XKR4: variants seen among roughly 807,000 people sequenced by gnomAD.
XKR4 encodes XK related 4.
A neutral mutation model predicts 53.9 loss-of-function variants in XKR4; 12 were observed. The observed-to-expected ratio is 0.22, with a 90% CI of 0.14 to 0.36. XKR4 has a LOEUF of 0.36. Among genes scored for constraint, XKR4 ranks in the 10% least tolerant of loss-of-function variants. The probability of loss-of-function intolerance (pLI) is 1.00; values close to 1 mark genes in which losing one functional copy is unlikely to be tolerated. For missense variants in XKR4, 799 were observed against 859.5 expected (o/e 0.93, Z 0.88); for synonymous variants, 354 against 362.4 (o/e 0.98, Z 0.26).
intron 1 of XKR4, among the ~76,000 whole-genome samples, chr8:55,111,913 G>T (rs1176510141): frequency 6.6e-6 from 1 of 152,086 alleles, no homozygotes; most frequent in Non-Finnish European, 1.5e-5. Flanking sequence ...ATTTAAAATT[G>T]GATTTAAAAC....
intron 1 of XKR4, among the ~76,000 whole-genome samples, chr8:55,273,723 C>A (rs952064125): frequency 6.6e-6 from 1 of 152,232 alleles, no homozygotes; most frequent in Non-Finnish European, 1.5e-5. Context: ...ACTCCTGGCT[C>A]ACTGGCCTCC....
intron 1 of XKR4, among the ~76,000 whole-genome samples, chr8:55,336,265 G>A (rs893609712): frequency 1.1e-4 from 17 of 152,058 alleles, no homozygotes; most frequent in South Asian, 4.2e-4. Flanking sequence ...GGTTTATCAC[G>A]GGTTTCCACT....
chr8:55,104,092 G>A (rs1034502645), intron 1 of XKR4, among the ~76,000 whole-genome samples: 5 of 152,024 alleles, frequency 3.3e-5, no homozygotes, highest in African/African-American at 9.6e-5. Flanking sequence ...GATCTACCAA[G>A]TCTTTTTACA....
At chr8:55,475,436 G>A (rs1000597679) in intron 2 of XKR4, among the ~76,000 whole-genome samples, 4 of 151,846 alleles carry the variant, frequency 2.6e-5, no homozygotes. Flanking sequence ...TGGGGTGATG[G>A]GGGAAGGTCT....
intron 1 of XKR4, among the ~76,000 whole-genome samples, chr8:55,204,651 G>C (rs1817619070): frequency 6.6e-6 from 1 of 152,180 alleles, no homozygotes. Context: ...ATGTAAATCT[G>C]AGGATACAGA....
chr8:55,155,385 A>C (rs1029050560), intron 1 of XKR4, among the ~76,000 whole-genome samples: 9 of 152,224 alleles, frequency 5.9e-5, no homozygotes, highest in Non-Finnish European at 1.3e-4. Context: ...AACAAATTAA[A>C]AAATGAAAGA....
intron 1 of XKR4, among the ~76,000 whole-genome samples, chr8:55,305,251 G>C (rs1219595175): frequency 1.3e-5 from 2 of 152,090 alleles, no homozygotes; most frequent in East Asian, 3.9e-4. Flanking sequence ...CTACTATATT[G>C]GGCAGGTCCA....
chr8:55,350,412 T>C (rs919830272), intron 1 of XKR4, among the ~76,000 whole-genome samples: 3 of 152,196 alleles, frequency 2.0e-5, no homozygotes, highest in Non-Finnish European at 4.4e-5. Flanking sequence ...GGAGTTGCTA[T>C]GTTGTATGGA....
chr8:55,209,432 T>A (rs1039662691), intron 1 of XKR4, among the ~76,000 whole-genome samples: 3 of 152,192 alleles, frequency 2.0e-5, no homozygotes, highest in Admixed American at 6.5e-5. Context: ...ACAGACAGTC[T>A]GACTCCAGAG....
At chr8:55,408,962 G>C (rs1254711946) in intron 2 of XKR4, among the ~76,000 whole-genome samples, 2 of 149,518 alleles carry the variant, frequency 1.3e-5, no homozygotes, top group Non-Finnish European at 3.0e-5. Context: ...AGCCGAGATC[G>C]TGCCACTGCA....
At chr8:55,270,545 G>A (rs549467088) in intron 1 of XKR4, among the ~76,000 whole-genome samples, 2 of 152,282 alleles carry the variant, frequency 1.3e-5, no homozygotes, top group African/African-American at 4.8e-5. Flanking sequence ...GGCACCATGT[G>A]TTAACAGACT....
chr8:55,194,977 G>A (rs1272859977), intron 1 of XKR4, among the ~76,000 whole-genome samples: 1 of 152,124 alleles, frequency 6.6e-6, no homozygotes, highest in Non-Finnish European at 1.5e-5. Flanking sequence ...GACTGGGAAC[G>A]TATAATTTGG....
chr8:55,487,525 G>A (rs11995142), intron 2 of XKR4, among the ~76,000 whole-genome samples: 49,388 of 150,852 alleles, frequency 0.33, 9,906 homozygotes, highest in African/African-American at 0.58. Flanking sequence ...GGAGCACAGC[G>A]GAACAATCCT....
At chr8:55,259,223 C>G (rs372602307) in intron 1 of XKR4, among the ~76,000 whole-genome samples, 14 of 152,318 alleles carry the variant, frequency 9.2e-5, no homozygotes, top group African/African-American at 3.1e-4. Context: ...ATCCATGATT[C>G]TGGGTTCAGG....
intron 2 of XKR4, among the ~76,000 whole-genome samples, chr8:55,434,867 AG>A (rs1805151894): frequency 6.6e-6 from 1 of 152,218 alleles, no homozygotes; most frequent in Non-Finnish European, 1.5e-5. Context: ...AAGGCTACAC[AG>A]GGGCACACAT....
At chr8:55,316,981 G>C (rs1245874148) in intron 1 of XKR4, among the ~76,000 whole-genome samples, 1 of 152,082 alleles carries the variant, frequency 6.6e-6, no homozygotes, top group East Asian at 1.9e-4. Context: ...TAGCTGGCTG[G>C]GAAGCTTTTA....
chr8:55,140,171 T>A (rs755193832), intron 1 of XKR4: 60 of 430,680 alleles, frequency 1.4e-4, no homozygotes, highest in Middle Eastern at 6.7e-4. Flanking sequence ...TGACTGAGTG[T>A]CTTTTCTTCT....
chr8:55,176,745 C>G (rs1281167364), intron 1 of XKR4, among the ~76,000 whole-genome samples: 1 of 151,970 alleles, frequency 6.6e-6, no homozygotes, highest in East Asian at 1.9e-4. Context: ...AAAATTTCTC[C>G]CACAAAATAG....
rs111277990 is a variant in XKR4 at position 55,485,526 on chromosome 8, G to T, written c.1007-37755G>T. On this transcript the variant is annotated intron_variant, in intron 2 of 2. Transcript: ENST00000327381. ...CTATTTACAGTCACTCAGAAACAAA[G>T]GAAATACTTAGGTCTAAGCATTTTG... is the stretch of plus-strand genomic sequence containing the variant. Among the ~76,000 whole-genome samples, 691 of 152,198 alleles carry T rather than the reference G, an allele frequency of 4.5e-3. 6 individuals carry two copies. The highest frequency in any genetic ancestry group is 0.027 in the Middle Eastern group (8 of 294).
Sources: allele counts gnomAD v4.1 joint callset (sites outside exome capture counted in the v4.1 genomes callset), GRCh38; gene constraint gnomAD v4.1.1; transcripts MANE v1.5; gene names NCBI Gene and HGNC (gene_info 2026-07-23, HGNC 2026-07-21).